The following ZHX2 variants were observed in gnomAD, a reference collection of about 807,000 sequenced individuals.
ZHX2 encodes zinc fingers and homeoboxes protein 2.
Under a neutral mutation model 21.9 loss-of-function variants are expected in ZHX2, and 6 were observed. The ratio of observed to expected loss-of-function variants is 0.27; its 90% CI spans 0.15 to 0.54. ZHX2 has a LOEUF of 0.54. ZHX2 is among the 20% of genes least tolerant of loss of function. The pLI is 0.95. For synonymous variants in ZHX2, 434 were observed against 437.1 expected, an observed-to-expected ratio of 0.99 and a Z score of 0.09; for missense variants, 908 against 1,090.7, an observed-to-expected ratio of 0.83 and a Z score of 2.36.
intron 1 of ZHX2, among the ~76,000 whole-genome samples, chr8:122,823,616 G>A (rs2130646648): frequency 6.6e-6 from 1 of 152,290 alleles, no homozygotes; most frequent in South Asian, 2.1e-4. Context: ...CTGTCTCCAT[G>A]CCCACTTTCT....
chr8:122,879,972 CTTTTTT>C (rs35351207), intron 2 of ZHX2, among the ~76,000 whole-genome samples: 1 of 126,404 alleles, frequency 7.9e-6, no homozygotes. Context: ...CTATTGTTAC[CTTTTTT>C]TTTTTTTTTT....
intron 1 of ZHX2, among the ~76,000 whole-genome samples, chr8:122,787,088 G>GGTGTGT (rs35726514): frequency 0.012 from 1,785 of 148,542 alleles, 33 homozygotes; most frequent in East Asian, 0.065. Flanking sequence ...GATTGGCAGT[G>GGTGTGT]GTGTGTGTGT....
Position 122,973,222 on chromosome 8 carries a change from T to A in ZHX2, c.*5-20T>A, listed in dbSNP as rs1813770321. On this transcript the variant is annotated intron_variant, in intron 3 of 3. Transcript: ENST00000314393. ...GGTCATTTGCCTGACATCTTGACTC[T>A]GTGGTTTTGTGTCTTCTAGGGAAGT... 6.6e-6 allele frequency: 1 copy of A among 152,366 alleles called. No individual in the cohort carries two copies. The highest frequency in any genetic ancestry group is 6.5e-5 in the Admixed American group (1 of 15,268). The allele number at this position is 152,366 out of a possible 1,614,324, so 9.4% of individuals were successfully genotyped here.
At chr8:122,929,459 A>G (rs1820930934) in intron 2 of ZHX2, among the ~76,000 whole-genome samples, 1 of 152,176 alleles carries the variant, frequency 6.6e-6, no homozygotes, top group African/African-American at 2.4e-5. Context: ...GCTGACCAAC[A>G]TGGTAAAACC....
At chr8:122,835,136 G>C (rs1431257432) in intron 1 of ZHX2, among the ~76,000 whole-genome samples, 2 of 152,228 alleles carry the variant, frequency 1.3e-5, no homozygotes, top group Non-Finnish European at 2.9e-5. Flanking sequence ...TCTAATATAA[G>C]AGGTAGCATC....
At chr8:122,852,211 A>G (rs949123547) in intron 1 of ZHX2, among the ~76,000 whole-genome samples, 10 of 152,212 alleles carry the variant, frequency 6.6e-5, no homozygotes. Flanking sequence ...TTTAATAAAC[A>G]TGGCATACTG....
intron 1 of ZHX2, among the ~76,000 whole-genome samples, chr8:122,848,367 T>C (rs1244797489): frequency 6.6e-6 from 1 of 152,202 alleles, no homozygotes; most frequent in African/African-American, 2.4e-5. Context: ...ATTCCTTTGC[T>C]TCTTGCTCTC....
chr8:122,938,234 A>G (rs1812755908), intron 2 of ZHX2, among the ~76,000 whole-genome samples: 1 of 151,946 alleles, frequency 6.6e-6, no homozygotes, highest in African/African-American at 2.4e-5. Context: ...TGCCCAGTTT[A>G]TGTTTCCTGG....
At chr8:122,873,955 ATCTTTAAAGGAC>A (rs1819506878) in intron 2 of ZHX2, among the ~76,000 whole-genome samples, 1 of 152,134 alleles carries the variant, frequency 6.6e-6, no homozygotes, top group African/African-American at 2.4e-5. Context: ...GGCTTCCTAC[ATCTTTAAAGGAC>A]TCTTATGATT....
intron 1 of ZHX2, among the ~76,000 whole-genome samples, chr8:122,797,341 A>G (rs1817631905): frequency 6.6e-6 from 1 of 152,200 alleles, no homozygotes; most frequent in Admixed American, 6.5e-5. Context: ...GGAAAGGGGT[A>G]TGTACCCACT....
chr8:122,818,298 T>TAAA (rs61376383), intron 1 of ZHX2, among the ~76,000 whole-genome samples: 3 of 145,010 alleles, frequency 2.1e-5, no homozygotes, highest in African/African-American at 7.5e-5. Flanking sequence ...TAAGGAAAAT[T>TAAA]AAAAAAAAAA....
chr8:122,820,389 G>A (rs566869320), intron 1 of ZHX2, among the ~76,000 whole-genome samples: 1 of 152,330 alleles, frequency 6.6e-6, no homozygotes, highest in Admixed American at 6.5e-5. Flanking sequence ...TGGGGAATGT[G>A]GGCCTCTGGC....
At chr8:122,855,061 T>C (rs1563755420) in intron 1 of ZHX2, among the ~76,000 whole-genome samples, 2 of 152,240 alleles carry the variant, frequency 1.3e-5, no homozygotes, top group Admixed American at 1.3e-4. Flanking sequence ...TAAGCATCCA[T>C]ACATTCCAGG....
intron 1 of ZHX2, among the ~76,000 whole-genome samples, chr8:122,819,546 C>G (rs1167894649): frequency 6.6e-6 from 1 of 152,248 alleles, no homozygotes. Flanking sequence ...AGTGGCCAGA[C>G]TGGGACACAT....
At chr8:122,912,110 A>G (rs528628367) in intron 2 of ZHX2, among the ~76,000 whole-genome samples, 3 of 152,294 alleles carry the variant, frequency 2.0e-5, no homozygotes, top group African/African-American at 4.8e-5. Context: ...GTTCATGAAG[A>G]TGGTGGCGGG....
chr8:122,864,138 G>A (rs1443176579), intron 2 of ZHX2, among the ~76,000 whole-genome samples: 1 of 150,334 alleles, frequency 6.7e-6, no homozygotes, highest in African/African-American at 2.5e-5. Context: ...ATGTCTGTGG[G>A]ACACGTCGAA....
intron 2 of ZHX2, among the ~76,000 whole-genome samples, chr8:122,869,325 GT>G (rs11429003): frequency 3.2e-4 from 46 of 144,968 alleles, no homozygotes; most frequent in East Asian, 1.0e-3. Context: ...ATCCTTTTTT[GT>G]TTTTTTTTTT....
At chr8:122,869,380 T>C (rs930337098) in intron 2 of ZHX2, among the ~76,000 whole-genome samples, 5 of 151,610 alleles carry the variant, frequency 3.3e-5, no homozygotes, top group Admixed American at 6.6e-5. Context: ...CAGGCTGGAG[T>C]GCAGTGCTGC....
chr8:122,926,562 G>C (rs570159389), intron 2 of ZHX2, among the ~76,000 whole-genome samples: 16 of 152,330 alleles, frequency 1.1e-4, no homozygotes, highest in African/African-American at 3.8e-4. Flanking sequence ...AGTTGCAGTT[G>C]TTCGCTGTCA....
Sources: allele counts gnomAD v4.1 joint callset (sites outside exome capture counted in the v4.1 genomes callset), GRCh38; gene constraint gnomAD v4.1.1; transcripts MANE v1.5; gene names NCBI Gene and HGNC (gene_info 2026-07-23, HGNC 2026-07-21).